The following ATP2B2 variants were observed in gnomAD, a reference collection of about 807,000 sequenced individuals.
The protein encoded by ATP2B2 is plasma membrane calcium-transporting ATPase 2.
Under a neutral mutation model 120.0 loss-of-function variants are expected in ATP2B2, and 15 were observed. The observed-to-expected ratio is 0.12, with a 90% CI of 0.08 to 0.19. ATP2B2 has a LOEUF of 0.19. Among genes scored for constraint, ATP2B2 ranks in the 10% least tolerant of loss-of-function variants. ATP2B2 has a pLI of 1.00. For missense variants in ATP2B2, 1,045 were observed against 1,719.8 expected (o/e 0.61, Z 6.94); for synonymous variants, 694 against 700.3 (o/e 0.99, Z 0.14).
rs146974021 is a variant in ATP2B2 at position 10,661,910 on chromosome 3, C to T, written c.-459-41949G>A. On this transcript the variant is annotated intron_variant, in intron 1 of 21. Coordinates refer to the ATP2B2 transcript ENST00000646379. ...CTGGTACCAAAAGAGAGATATAGACCAATGGAACAGAATAGAGCTCTCAGA... is the reference window on the plus strand; with the variant it reads ...CTGGTACCAAAAGAGAGATATAGACTAATGGAACAGAATAGAGCTCTCAGA... Among the ~76,000 whole-genome samples, 17 of 152,258 alleles carry T rather than the reference C, an allele frequency of 1.1e-4. No individual in the cohort carries two copies. The East Asian group carries it at 3.1e-3, about 28-fold the overall frequency.
intron 3 of ATP2B2, among the ~76,000 whole-genome samples, chr3:10,511,180 T>C (rs1575441570): frequency 6.6e-6 from 1 of 152,100 alleles, no homozygotes; most frequent in Non-Finnish European, 1.5e-5. Context: ...CCCTTTCCAC[T>C]TCTCTGCCTG....
intron 10 of ATP2B2, among the ~76,000 whole-genome samples, chr3:10,377,026 T>C (rs2125527981): frequency 6.6e-6 from 1 of 152,274 alleles, no homozygotes; most frequent in East Asian, 1.9e-4. Context: ...TCTCAGGGAA[T>C]TCAGCCAAAG....
rs549336692 is a variant in ATP2B2 at position 10,400,089 on chromosome 3, G to A, written c.781+864C>T. Among the ~76,000 whole-genome samples the A allele has an allele frequency of 1.6e-4, 24 of 152,324 alleles. 1 individual carries two copies. Among genetic ancestry groups the A allele is most frequent in the African/African-American group, 5.3e-4 (22 of 41,572 alleles). On this transcript the variant is annotated intron_variant, in intron 5 of 22. Coordinates refer to ENST00000360273, the MANE Select transcript of ATP2B2 (RefSeq NM_001001331.4). ...TTGCTGAGCACTGCTGGACAATAAG[G>A]CCTTTTGGGCGTCCCTGTGAAAAGG...
At chr3:10,478,439 A>G (rs548766014) in intron 1 of ATP2B2, among the ~76,000 whole-genome samples, 1 of 152,292 alleles carries the variant, frequency 6.6e-6, no homozygotes, top group Admixed American at 6.5e-5. Flanking sequence ...CCAATAAATC[A>G]TTGCTATATT....
intron 2 of ATP2B2, among the ~76,000 whole-genome samples, chr3:10,581,520 AATG>A (rs1448879132): frequency 6.6e-6 from 1 of 152,154 alleles, no homozygotes; most frequent in African/African-American, 2.4e-5. Context: ...AGACTCCAAA[AATG>A]ATGTTTGTGG....
At chr3:10,490,761 G>A (rs2065904492) in intron 1 of ATP2B2, among the ~76,000 whole-genome samples, 1 of 152,188 alleles carries the variant, frequency 6.6e-6, no homozygotes, top group Admixed American at 6.5e-5. Flanking sequence ...CACCCAGTAG[G>A]TGCATGTAGC....
chr3:10,435,389 T>A (rs1575215181), intron 2 of ATP2B2, among the ~76,000 whole-genome samples: 2 of 152,244 alleles, frequency 1.3e-5, no homozygotes, highest in East Asian at 1.9e-4. Flanking sequence ...AGCTCCTACA[T>A]CTTCCTGGAG....
At chr3:10,684,808 C>T (rs1202537504) in intron 1 of ATP2B2, among the ~76,000 whole-genome samples, 1 of 152,216 alleles carries the variant, frequency 6.6e-6, no homozygotes, top group African/African-American at 2.4e-5. Flanking sequence ...TCTATGGCAA[C>T]AAGTTCCAAG....
Position 10,342,604 on chromosome 3 carries a change from G to C in ATP2B2, c.2917+148C>G, listed in dbSNP as rs2060310276. ...GTTCAAGACTTGCTGGTGTGACCTTGGGCAACTTACTTGACCTCCCTGGGC... is the reference window on the plus strand; with the variant it reads ...GTTCAAGACTTGCTGGTGTGACCTTCGGCAACTTACTTGACCTCCCTGGGC... On this transcript the variant is annotated intron_variant, in intron 19 of 22. Coordinates refer to ENST00000360273, the MANE Select transcript of ATP2B2 (RefSeq NM_001001331.4). The surrounding 1 kb of genome is among the most constrained non-coding windows in gnomAD (Gnocchi z 4.4). 11 of 912,502 alleles carry C rather than the reference G, an allele frequency of 1.2e-5. No individual in the cohort carries two copies. The highest frequency in any genetic ancestry group is 1.9e-5 in the Non-Finnish European group (11 of 581,888). The allele number at this position is 912,502 out of a possible 1,614,324, so 56.5% of individuals were successfully genotyped here.
chr3:10,413,269 C>CGG (rs1162543940), intron 2 of ATP2B2, among the ~76,000 whole-genome samples: 2 of 152,300 alleles, frequency 1.3e-5, no homozygotes, highest in African/African-American at 4.8e-5. Context: ...GTTCTAGATG[C>CGG]GGAGTCTCCT....
At chr3:10,682,980 C>T (rs1575619788) in intron 1 of ATP2B2, among the ~76,000 whole-genome samples, 1 of 152,058 alleles carries the variant, frequency 6.6e-6, no homozygotes, top group Non-Finnish European at 1.5e-5. Context: ...CCATGTTAGC[C>T]CTCTGTATGC....
At chr3:10,653,957 G>T (rs2070538189) in intron 1 of ATP2B2, among the ~76,000 whole-genome samples, 1 of 151,962 alleles carries the variant, frequency 6.6e-6, no homozygotes, top group Non-Finnish European at 1.5e-5. Context: ...CTTCTGTGAG[G>T]CCTTCTTGAT....
At chr3:10,389,479 T>C (rs2061781099) in intron 5 of ATP2B2, among the ~76,000 whole-genome samples, 1 of 152,140 alleles carries the variant, frequency 6.6e-6, no homozygotes, top group South Asian at 2.1e-4. Flanking sequence ...GATACTGCAG[T>C]AAGTAAGTGA....
In ATP2B2 at chr3:10,345,936, A is replaced by G. The variant is rs1340545041; in HGVS notation, c.2511+95T>C. ...CCCACGGCAGATGGCGGGTGGGCCAAGTGTGAACTGGGGCTCCTGAGTAGC... is the reference window on the plus strand; with the variant it reads ...CCCACGGCAGATGGCGGGTGGGCCAGGTGTGAACTGGGGCTCCTGAGTAGC... On this transcript the variant is annotated intron_variant, in intron 17 of 22. Transcript: ENST00000360273. The G allele has an allele frequency of 3.1e-6, 4 of 1,288,670 alleles. No individual in the cohort carries two copies. In the African/African-American group the frequency reaches 5.9e-5, roughly 19 times the overall value. The allele number at this position is 1,288,670 out of a possible 1,614,324, so 79.8% of individuals were successfully genotyped here.
intron 1 of ATP2B2, among the ~76,000 whole-genome samples, chr3:10,702,802 G>A (rs1000341888): frequency 6.6e-6 from 1 of 152,152 alleles, no homozygotes; most frequent in African/African-American, 2.4e-5. Flanking sequence ...AGCTGCTGCT[G>A]GAAAAAACAG....
chr3:10,506,422 C>T (rs1261906451), upstream of ATP2B2, among the ~76,000 whole-genome samples: 4 of 152,098 alleles, frequency 2.6e-5, no homozygotes, highest in African/African-American at 9.7e-5. Context: ...TGTGGGCTGA[C>T]TGACACTTCC....
intron 2 of ATP2B2, among the ~76,000 whole-genome samples, chr3:10,583,214 T>G (rs967631473): frequency 6.6e-6 from 1 of 152,232 alleles, no homozygotes; most frequent in African/African-American, 2.4e-5. Context: ...CTCTGACACC[T>G]AGAAGTCCCG....
chr3:10,534,180 AG>A (rs910978405), intron 2 of ATP2B2: 53 of 152,734 alleles, frequency 3.5e-4, no homozygotes, highest in African/African-American at 1.2e-3. Context: ...GTGACATGAC[AG>A]GGACCCAGGT....
intron 2 of ATP2B2, among the ~76,000 whole-genome samples, chr3:10,540,764 A>G (rs1412223402): frequency 2.7e-5 from 4 of 150,904 alleles, no homozygotes; most frequent in Non-Finnish European, 1.5e-5. Context: ...GAAATATCTA[A>G]TGTTAATGAT....
Sources: allele counts gnomAD v4.1 joint callset (sites outside exome capture counted in the v4.1 genomes callset), GRCh38; gene constraint gnomAD v4.1.1; non-coding constraint Gnocchi (gnomAD v3.1); transcripts MANE v1.5; gene names NCBI Gene and HGNC (gene_info 2026-07-23, HGNC 2026-07-21).